The following AMN1 variants were observed in gnomAD, a reference collection of about 807,000 sequenced individuals.
AMN1 encodes the protein protein AMN1 homolog.
AMN1 carries 20 observed loss-of-function variants against 33.0 expected under a neutral mutation model. The observed-to-expected ratio is 0.61, with a 90% CI of 0.43 to 0.88. AMN1 has a LOEUF of 0.88. AMN1 is among the 40% of genes least tolerant of loss of function. The pLI, the probability that AMN1 is intolerant of heterozygous loss-of-function variation, is 0.00. For missense variants in AMN1, 246 were observed against 307.4 expected, an observed-to-expected ratio of 0.80 and a Z score of 1.49; for synonymous variants, 114 against 111.9, an observed-to-expected ratio of 1.02 and a Z score of -0.12.
intron 2 of AMN1, chr12:31,708,507 C>T (rs1252493557): frequency 6.5e-6 from 1 of 152,850 alleles, no homozygotes; most frequent in Non-Finnish European, 1.5e-5. Flanking sequence ...AACATAGACC[C>T]TTATCAGGAG....
chr12:31,712,052 C>G (rs1939488165), intron 1 of AMN1, among the ~76,000 whole-genome samples: 1 of 145,160 alleles, frequency 6.9e-6, no homozygotes, highest in Non-Finnish European at 1.5e-5. Context: ...CCCCCTCCCT[C>G]CCTTCCTCCC....
rs1291015974 is a variant in AMN1, at chr12:31,683,151, G to C, written c.703+5856C>G. ...CTAATTTTTGTATTTTTAGTAGAGA[G>C]GGGGTTTCACCATATTGGCCAGGCT... On this transcript the variant is annotated intron_variant, in intron 6 of 6. Coordinates refer to ENST00000281471, the MANE Select transcript of AMN1 (RefSeq NM_001113402.2). This position sits in a 1 kb window ranked among gnomAD's most constrained non-coding sequence, Gnocchi z 4.1. Among the ~76,000 whole-genome samples the C allele has an allele frequency of 1.3e-5, 2 of 151,826 alleles. No individual in the cohort carries two copies. The highest frequency in any genetic ancestry group is 2.1e-4 in the South Asian group (1 of 4,824).
intron 6 of AMN1, among the ~76,000 whole-genome samples, chr12:31,684,795 A>G (rs952474276): frequency 1.3e-5 from 2 of 151,988 alleles, no homozygotes; most frequent in Non-Finnish European, 2.9e-5. Flanking sequence ...ATTTTTAAGA[A>G]TGTAAATGGG....
intron 6 of AMN1, chr12:31,673,210 G>A (rs1048872539): frequency 6.6e-6 from 1 of 150,710 alleles, no homozygotes; most frequent in Non-Finnish European, 1.5e-5. Context: ...CCTAGTCTTG[G>A]AAATCCTGTA....
At chr12:31,682,583 G>C (rs1938071163) in intron 6 of AMN1, among the ~76,000 whole-genome samples, 2 of 152,084 alleles carry the variant, frequency 1.3e-5, no homozygotes, top group Non-Finnish European at 2.9e-5. Flanking sequence ...TTATAGCCTG[G>C]GGTTTTTATC....
intron 1 of AMN1, among the ~76,000 whole-genome samples, chr12:31,718,903 G>A (rs552655228): frequency 7.2e-5 from 11 of 152,324 alleles, no homozygotes; most frequent in Admixed American, 2.6e-4. Context: ...AATGGCAGAC[G>A]CCCCTCCCCC....
intron 2 of AMN1, among the ~76,000 whole-genome samples, chr12:31,705,126 T>A (rs530379810): frequency 1.1e-4 from 17 of 152,242 alleles, no homozygotes; most frequent in Admixed American, 2.6e-4. Flanking sequence ...AATAAAGATA[T>A]ATCAGGTTAA....
chr12:31,683,775 G>A lies in AMN1; in HGVS notation c.703+5232C>T, dbSNP rs757452038. On this transcript the variant is annotated intron_variant, in intron 6 of 6. Coordinates refer to ENST00000281471, the MANE Select transcript of AMN1 (RefSeq NM_001113402.2). The surrounding 1 kb of genome is among the most constrained non-coding windows in gnomAD (Gnocchi z 4.1). The stretch of plus-strand genomic sequence containing the variant: ...AAGTTACCCAGTCTTGGGTATGTCT[G>A]TATCAGCAGTGTGAAAACGGACTAA... 3.3e-5 allele frequency among the ~76,000 whole-genome samples: 5 copies of A among 152,174 alleles called. No homozygotes were observed. Among genetic ancestry groups the A allele is most frequent in the Non-Finnish European group, 7.3e-5 (5 of 68,038 alleles).
At chr12:31,705,678 G>A (rs990512737) in intron 2 of AMN1, among the ~76,000 whole-genome samples, 15 of 152,164 alleles carry the variant, frequency 9.9e-5, no homozygotes, top group Admixed American at 6.5e-4. Flanking sequence ...TAAGCTACAG[G>A]TCTGCCTTTC....
intron 1 of AMN1, among the ~76,000 whole-genome samples, chr12:31,722,130 G>GACACAC (rs57266162): frequency 0.012 from 1,671 of 144,030 alleles, 29 homozygotes; most frequent in African/African-American, 0.026. Context: ...TCAGGCCTTT[G>GACACAC]ACACACACAC....
In AMN1 at chr12:31,692,534, C is replaced by T. The variant is rs146612636; in HGVS notation, c.592-3416G>A. ...ATATTTCTGGCAGATTAGGGTCTTA[C>T]TGAAATTGCATACTCATAGCATAAC... On this transcript the variant is annotated intron_variant, in intron 5 of 6. Coordinates refer to ENST00000281471, the MANE Select transcript of AMN1 (RefSeq NM_001113402.2). 4.4e-3 allele frequency among the ~76,000 whole-genome samples: 672 copies of T among 151,416 alleles called. 3 individuals carry two copies. Among genetic ancestry groups the T allele is most frequent in the Non-Finnish European group, 6.8e-3 (460 of 67,882 alleles).
At chr12:31,699,935 T>G (rs1277218821) in intron 3 of AMN1, among the ~76,000 whole-genome samples, 1 of 152,180 alleles carries the variant, frequency 6.6e-6, no homozygotes, top group Non-Finnish European at 1.5e-5. Context: ...CCCACACATT[T>G]GCTGTCAGAA....
Position 31,689,016 on chromosome 12 carries a change from AG to A in AMN1, c.693del (p.Leu232Ter). On this transcript the variant is annotated frameshift_variant, in exon 6 of 7. Coordinates refer to ENST00000281471, the MANE Select transcript of AMN1 (RefSeq NM_001113402.2). LOFTEE classifies it high-confidence loss of function. ...QIRILLFHGC[P>X]LITDHSREVL... ...AATCTATTGCACTAACCTGTTATCAAGGGGCATCCATGGAAGAGTAATATAC... is the reference window on the plus strand; with the variant it reads ...AATCTATTGCACTAACCTGTTATCAAGGGCATCCATGGAAGAGTAATATAC... The A allele has an allele frequency of 1.9e-6, 3 of 1,609,918 alleles. No individual in the cohort carries two copies. Among genetic ancestry groups the A allele is most frequent in the Non-Finnish European group, 2.5e-6 (3 of 1,177,032 alleles).
intron 1 of AMN1, among the ~76,000 whole-genome samples, chr12:31,723,805 C>T (rs1477751472): frequency 6.6e-6 from 1 of 152,124 alleles, no homozygotes; most frequent in Non-Finnish European, 1.5e-5. Flanking sequence ...TGGCCCTTCA[C>T]AGAAAGGTTA....
Position 31,672,244 on chromosome 12 carries a change from G to A in AMN1, c.*60C>T, listed in dbSNP as rs540084372. ...AAGTAGAATGCAAATCTCTATAGAT[G>A]GTTTCCTGGGAAAGTAGTTTTGATA... is the stretch of plus-strand genomic sequence containing the variant. On this transcript the variant is annotated 3_prime_UTR_variant, in exon 7 of 7. Transcript: ENST00000281471. 17 of 1,138,500 alleles carry A rather than the reference G, an allele frequency of 1.5e-5. No individual in the cohort carries two copies. The East Asian group carries it at 4.4e-4, about 29-fold the overall frequency. 70.5% of individuals were successfully genotyped at this position (1,138,500 alleles called of 1,614,324 possible).
chr12:31,695,701 G>T (rs956373328), intron 5 of AMN1, among the ~76,000 whole-genome samples: 1 of 151,370 alleles, frequency 6.6e-6, no homozygotes, highest in African/African-American at 2.4e-5. Flanking sequence ...TGGCCAGGCT[G>T]GTCTTGAACT....
chr12:31,718,078 T>C (rs1939744829), intron 1 of AMN1, among the ~76,000 whole-genome samples: 1 of 152,176 alleles, frequency 6.6e-6, no homozygotes, highest in Admixed American at 6.5e-5. Context: ...TTTGGTCTTT[T>C]CACATAGTCC....
At chr12:31,702,074 C>T (rs1939030963) in intron 2 of AMN1, 67 bp from the exon 3 acceptor site, 6 of 1,393,628 alleles carry the variant, frequency 4.3e-6, no homozygotes, top group South Asian at 2.7e-5. Flanking sequence ...ATTCCATATT[C>T]AGTGTTTTGG....
chr12:31,689,397 C>T (rs1938405774), intron 5 of AMN1, among the ~76,000 whole-genome samples: 1 of 152,170 alleles, frequency 6.6e-6, no homozygotes, highest in Non-Finnish European at 1.5e-5. Context: ...TACAGAGAAT[C>T]TCTTCTACAT....
Sources: gnomAD v4.1 joint callset for allele counts (sites outside exome capture counted in the v4.1 genomes callset) on GRCh38, gnomAD v4.1.1 for gene constraint, Gnocchi (gnomAD v3.1) non-coding constraint, MANE v1.5 for transcripts, NCBI Gene and HGNC (gene_info 2026-07-23, HGNC 2026-07-21) for gene names.